Variants in MLLT3 observed in about 807,000 individuals in gnomAD.
MLLT3 encodes MLLT3 super elongation complex subunit.
In MLLT3, 4 loss-of-function variants were observed where a neutral mutation model predicts 53.2. That is an observed-to-expected ratio of 0.08 (90% CI 0.04 to 0.17). The LOEUF (loss-of-function observed/expected upper bound fraction) is 0.17, where lower values mean the gene tolerates loss of function less well. Ranked by LOEUF, MLLT3 falls within the 10% of genes least tolerant of loss-of-function variation. The pLI is 1.00. For missense variants in MLLT3, 569 were observed against 684.0 expected, an observed-to-expected ratio of 0.83 and a Z score of 1.87; for synonymous variants, 283 against 230.6, an observed-to-expected ratio of 1.23 and a Z score of -2.06.
Position 20,346,230 on chromosome 9 carries a change from C to A in MLLT3, c.*213G>T, listed in dbSNP as rs1048049948. The A allele has an allele frequency of 4.3e-6, 2 of 460,542 alleles. No homozygotes were observed. Among genetic ancestry groups the A allele is most frequent in the Non-Finnish European group, 7.5e-6 (2 of 265,070 alleles). The allele number at this position is 460,542 out of a possible 1,614,324, so 28.5% of individuals were successfully genotyped here. A position where few individuals can be genotyped will look rare whatever the true frequency, so the allele number is the denominator to read the frequency against. On this transcript the variant is annotated 3_prime_UTR_variant, in exon 11 of 11. Coordinates refer to ENST00000380338, the MANE Select transcript of MLLT3 (RefSeq NM_004529.4). ...TGGAGAGAAGAGTGGTCCGCTGAGG[C>A]TGGTTTGCTTTAACCTCTCCTTTAT...
At chr9:20,622,012 G>A in intron 1 of MLLT3, 2 of 1,380,116 alleles carry the variant, frequency 1.4e-6, no homozygotes, top group Non-Finnish European at 1.9e-6. Flanking sequence ...GGGGTGGAGG[G>A]GCGAGTGTGA....
At chr9:20,402,929 C>G (rs914142584) in intron 5 of MLLT3, among the ~76,000 whole-genome samples, 1 of 152,160 alleles carries the variant, frequency 6.6e-6, no homozygotes, top group Non-Finnish European at 1.5e-5. Flanking sequence ...ATTGGCCGTA[C>G]GCCTGACAGG....
At chr9:20,446,412 A>T (rs552246194) in intron 4 of MLLT3, among the ~76,000 whole-genome samples, 1 of 152,318 alleles carries the variant, frequency 6.6e-6, no homozygotes, top group South Asian at 2.1e-4. Context: ...ATCAGGATGC[A>T]GTGCTGCACT....
At chr9:20,393,171 C>T (rs1216491176) in intron 5 of MLLT3, among the ~76,000 whole-genome samples, 1 of 151,942 alleles carries the variant, frequency 6.6e-6, no homozygotes, top group African/African-American at 2.4e-5. Flanking sequence ...AAAAAAAATG[C>T]TGATGAGGAT....
intron 9 of MLLT3, among the ~76,000 whole-genome samples, chr9:20,354,182 G>A (rs576245580): frequency 7.2e-5 from 11 of 152,344 alleles, no homozygotes; most frequent in Non-Finnish European, 1.5e-4. Flanking sequence ...GAAAAACAGG[G>A]ATCACTATCT....
intron 5 of MLLT3, among the ~76,000 whole-genome samples, chr9:20,389,567 G>A (rs1249832750): frequency 6.6e-6 from 1 of 152,034 alleles, no homozygotes; most frequent in Non-Finnish European, 1.5e-5. Context: ...TTGAGGCCAG[G>A]AGGTCAAGAC....
At chr9:20,493,688 C>T (rs1825009296) in intron 2 of MLLT3, among the ~76,000 whole-genome samples, 1 of 151,866 alleles carries the variant, frequency 6.6e-6, no homozygotes, top group Non-Finnish European at 1.5e-5. Flanking sequence ...ACAATGTTCA[C>T]CCCAAAACAT....
In MLLT3 at chr9:20,620,649, C is replaced by A. The variant is rs374014245; in HGVS notation, c.193+5G>T. ...TATCAAGACCCTTTTGTATTCGAGC[C>A]CTACCTCTTTTTGGCCTAGGAAAGC... On this transcript the variant is annotated splice_donor_5th_base_variant and intron_variant, in intron 2 of 10. Transcript: ENST00000380338. The surrounding 1 kb of genome is among the most constrained non-coding windows in gnomAD (Gnocchi z 6.1). 2 of 1,612,540 alleles carry A rather than the reference C, an allele frequency of 1.2e-6. No homozygotes were observed. The highest frequency in any genetic ancestry group is 1.7e-6 in the Non-Finnish European group (2 of 1,179,062).
At chr9:20,494,820 C>CAT (rs1449031038) in intron 2 of MLLT3, among the ~76,000 whole-genome samples, 1 of 152,156 alleles carries the variant, frequency 6.6e-6, no homozygotes, top group African/African-American at 2.4e-5. Flanking sequence ...CATTTAATTT[C>CAT]ATATATATTA....
intron 4 of MLLT3, among the ~76,000 whole-genome samples, chr9:20,428,470 G>A (rs1160052581): frequency 6.6e-6 from 1 of 151,778 alleles, no homozygotes; most frequent in South Asian, 2.1e-4. Flanking sequence ...TAATTTTCAG[G>A]TTAAAGAAGA....
chr9:20,558,630 G>C (rs1374948081), intron 2 of MLLT3, among the ~76,000 whole-genome samples: 1 of 152,102 alleles, frequency 6.6e-6, no homozygotes, highest in Non-Finnish European at 1.5e-5. Context: ...ACAGATTCCT[G>C]GACCCCTAGA....
intron 2 of MLLT3, among the ~76,000 whole-genome samples, chr9:20,542,238 A>ATTTTTTTTTTTTTTTTTTT (rs35985088): frequency 2.0e-5 from 1 of 50,608 alleles, no homozygotes; most frequent in Non-Finnish European, 4.8e-5. Context: ...GAGCAGTAAT[A>ATTTTTTTTTTTTTTTTTTT]TTTTTTTTTT....
intron 2 of MLLT3, among the ~76,000 whole-genome samples, chr9:20,573,682 T>C (rs1819587028): frequency 6.6e-6 from 1 of 152,230 alleles, no homozygotes; most frequent in African/African-American, 2.4e-5. Flanking sequence ...AGGTTGGGTA[T>C]ACGTCTCCCC....
chr9:20,587,676 G>C (rs553389987), intron 2 of MLLT3, among the ~76,000 whole-genome samples: 1 of 152,068 alleles, frequency 6.6e-6, no homozygotes, highest in African/African-American at 2.4e-5. Flanking sequence ...TTGCCCACTT[G>C]TTGATGGGGT....
At chr9:20,444,979 T>A (rs558652956) in intron 4 of MLLT3, among the ~76,000 whole-genome samples, 1 of 152,042 alleles carries the variant, frequency 6.6e-6, no homozygotes, top group Non-Finnish European at 1.5e-5. Flanking sequence ...TAGTCACAGC[T>A]ATTTGGGAAG....
intron 2 of MLLT3, among the ~76,000 whole-genome samples, chr9:20,515,873 C>A: frequency 6.6e-6 from 1 of 152,254 alleles, no homozygotes; most frequent in Non-Finnish European, 1.5e-5. Flanking sequence ...TAAGACTCTG[C>A]GGCTGGGGAG....
At chr9:20,592,604 T>A (rs1820156468) in intron 2 of MLLT3, among the ~76,000 whole-genome samples, 1 of 152,206 alleles carries the variant, frequency 6.6e-6, no homozygotes, top group Non-Finnish European at 1.5e-5. Context: ...AACTTCAACA[T>A]ACGAATTTGT....
chr9:20,399,703 G>A (rs1822407282), intron 5 of MLLT3, among the ~76,000 whole-genome samples: 1 of 152,094 alleles, frequency 6.6e-6, no homozygotes, highest in Non-Finnish European at 1.5e-5. Flanking sequence ...AAGTATAGGG[G>A]AGAAGAAAGA....
At chr9:20,502,692 G>C (rs1825277412) in intron 2 of MLLT3, among the ~76,000 whole-genome samples, 1 of 152,172 alleles carries the variant, frequency 6.6e-6, no homozygotes. Flanking sequence ...CAAATACTAT[G>C]CTATTTTATA....
Sources: gnomAD v4.1 joint callset for allele counts (sites outside exome capture counted in the v4.1 genomes callset) on GRCh38, gnomAD v4.1.1 for gene constraint, Gnocchi (gnomAD v3.1) non-coding constraint, MANE v1.5 for transcripts, NCBI Gene and HGNC (gene_info 2026-07-23, HGNC 2026-07-21) for gene names.